Variants in PPP1R12A observed in about 807,000 individuals in gnomAD.
The protein encoded by PPP1R12A is protein phosphatase 1 regulatory subunit 12A, also known as myosin binding subunit.
A neutral mutation model predicts 139.6 loss-of-function variants in PPP1R12A; 19 were observed. The observed-to-expected ratio is 0.14, with a 90% CI of 0.09 to 0.20. The LOEUF is 0.20. Among genes scored for constraint, PPP1R12A ranks in the 10% least tolerant of loss-of-function variants. The pLI, the probability that PPP1R12A is intolerant of heterozygous loss-of-function variation, is 1.00. For synonymous variants in PPP1R12A, 427 were observed against 420.6 expected (o/e 1.02, Z -0.19); for missense variants, 925 against 1,211.5 (o/e 0.76, Z 3.51).
chr12:79,877,435 G>A (rs1262158201), intron 1 of PPP1R12A, among the ~76,000 whole-genome samples: 4 of 152,174 alleles, frequency 2.6e-5, no homozygotes, highest in Non-Finnish European at 5.9e-5. Flanking sequence ...GTATTAGAAA[G>A]TAGTTTATAG....
At chr12:79,910,373 G>C (rs949882716) in intron 1 of PPP1R12A, among the ~76,000 whole-genome samples, 3 of 151,936 alleles carry the variant, frequency 2.0e-5, no homozygotes, top group Non-Finnish European at 4.4e-5. Flanking sequence ...CCAGCTACTC[G>C]GGAGGCTGAG....
chr12:79,787,163 A>C (rs1871227762), intron 21 of PPP1R12A: 1 of 152,160 alleles, frequency 6.6e-6, no homozygotes, highest in South Asian at 2.1e-4. Context: ...TTCAAAATGA[A>C]AATCTCATAA....
chr12:79,925,516 GCT>G (rs1565820163), intron 1 of PPP1R12A, among the ~76,000 whole-genome samples: 1 of 152,174 alleles, frequency 6.6e-6, no homozygotes, highest in Admixed American at 6.5e-5. Flanking sequence ...ATTAAGTGAA[GCT>G]CTCTCTGCAG....
chr12:79,905,929 C>T (rs897263573), intron 1 of PPP1R12A, among the ~76,000 whole-genome samples: 4 of 151,946 alleles, frequency 2.6e-5, no homozygotes, highest in African/African-American at 9.7e-5. Flanking sequence ...CAAACTGGTG[C>T]GAAACTTTGA....
chr12:79,913,508 C>G (rs1486931204), intron 1 of PPP1R12A, among the ~76,000 whole-genome samples: 1 of 152,148 alleles, frequency 6.6e-6, no homozygotes, highest in African/African-American at 2.4e-5. Context: ...GGATCTTTTT[C>G]CACACTCTAT....
At chr12:79,832,289 A>T in intron 4 of PPP1R12A, 43 bp downstream of exon 4, 1 of 1,528,276 alleles carries the variant, frequency 6.5e-7, no homozygotes. Context: ...TGAATAAAGA[A>T]GACAAACTAA....
chr12:79,917,483 C>CAA (rs59586178), intron 1 of PPP1R12A, among the ~76,000 whole-genome samples: 62 of 78,806 alleles, frequency 7.9e-4, no homozygotes, highest in African/African-American at 1.9e-3. Context: ...GACTCTGTCT[C>CAA]AAAAAAAAAA....
At chr12:79,810,349 T>C (rs2137071775) in intron 9 of PPP1R12A, among the ~76,000 whole-genome samples, 1 of 152,302 alleles carries the variant, frequency 6.6e-6, no homozygotes, top group Middle Eastern at 3.4e-3. Context: ...ATTAAACTTG[T>C]TATGTTGTAA....
chr12:79,876,828 G>A (rs1045175631), intron 1 of PPP1R12A, among the ~76,000 whole-genome samples: 1 of 152,064 alleles, frequency 6.6e-6, no homozygotes, highest in African/African-American at 2.4e-5. Flanking sequence ...TGGGAAACAT[G>A]GTGAAACCCT....
At chr12:79,788,986 G>C (rs1298403254) in intron 20 of PPP1R12A, among the ~76,000 whole-genome samples, 1 of 152,012 alleles carries the variant, frequency 6.6e-6, no homozygotes, top group East Asian at 1.9e-4. Context: ...GCCCAGCTTG[G>C]AGTGCAGTGG....
chr12:79,918,074 A>G (rs1390247770), intron 1 of PPP1R12A, among the ~76,000 whole-genome samples: 3 of 152,200 alleles, frequency 2.0e-5, no homozygotes, highest in Non-Finnish European at 4.4e-5. Flanking sequence ...GGCTTTACTT[A>G]GAAATTCTTT....
intron 3 of PPP1R12A, among the ~76,000 whole-genome samples, chr12:79,839,019 A>G (rs1195790792): frequency 6.6e-6 from 1 of 152,238 alleles, no homozygotes; most frequent in Non-Finnish European, 1.5e-5. Flanking sequence ...ACACTGGCCC[A>G]TGAAAGAAGC....
Position 79,773,694 on chromosome 12 carries a change from C to A in PPP1R12A, c.*2235G>T, listed in dbSNP as rs374484060. 46 of 152,200 alleles carry A rather than the reference C, an allele frequency of 3.0e-4. No homozygotes were observed. The South Asian group carries it at 9.3e-3, about 31-fold the overall frequency. The allele number at this position is 152,200 out of a possible 1,614,324, so 9.4% of individuals were successfully genotyped here. On this transcript the variant is annotated 3_prime_UTR_variant, in exon 25 of 25. Coordinates refer to ENST00000450142, the MANE Select transcript of PPP1R12A (RefSeq NM_002480.3). Reference sequence around the variant, plus strand: ...ATGTACAATGCTGTGCAAATTATCACAATATTACAATTTCAGAAATTATTC... The same window carrying A: ...ATGTACAATGCTGTGCAAATTATCAAAATATTACAATTTCAGAAATTATTC...
At chr12:79,876,992 C>CA (rs2137357042) in intron 1 of PPP1R12A, among the ~76,000 whole-genome samples, 1 of 150,648 alleles carries the variant, frequency 6.6e-6, no homozygotes, top group African/African-American at 2.5e-5. Context: ...GCCTGGGCAA[C>CA]AGAGCAAGAC....
chr12:79,798,593 G>T lies in PPP1R12A; in HGVS notation c.2001-9C>A. 6.7e-7 allele frequency: 1 copy of T among 1,498,314 alleles called. No individual in the cohort carries two copies. The highest frequency in any genetic ancestry group is 9.1e-7 in the Non-Finnish European group (1 of 1,104,680). The allele number at this position is 1,498,314 out of a possible 1,614,324, so 92.8% of individuals were successfully genotyped here. ...CAGGAGTGAGGTATGATCTACAGTAGTAAATTGAAAAATCGTTAGTTGTAA... is the reference window on the plus strand; with the variant it reads ...CAGGAGTGAGGTATGATCTACAGTATTAAATTGAAAAATCGTTAGTTGTAA... On this transcript the variant is annotated splice_polypyrimidine_tract_variant and intron_variant, in intron 14 of 24. Coordinates refer to ENST00000450142, the MANE Select transcript of PPP1R12A (RefSeq NM_002480.3).
intron 9 of PPP1R12A, among the ~76,000 whole-genome samples, chr12:79,815,073 C>A (rs6539475): frequency 0.78 from 118,255 of 151,974 alleles, 48,748 homozygotes; most frequent in Non-Finnish European, 0.92. Flanking sequence ...ACTATACTAA[C>A]AGAGGTTATA....
intron 1 of PPP1R12A, among the ~76,000 whole-genome samples, chr12:79,906,116 A>T (rs1886088482): frequency 6.6e-6 from 1 of 152,338 alleles, no homozygotes; most frequent in South Asian, 2.1e-4. Context: ...ATAAATATTT[A>T]CTATTTGAAT....
At chr12:79,796,633 C>T in intron 17 of PPP1R12A, 149 bp downstream of exon 17, 1 of 582,566 alleles carries the variant, frequency 1.7e-6, no homozygotes, top group Non-Finnish European at 2.8e-6. Context: ...CTACTTTTCT[C>T]ATTCTCAACC....
At chr12:79,885,692 T>A (rs1884038821) in intron 1 of PPP1R12A, among the ~76,000 whole-genome samples, 2 of 152,212 alleles carry the variant, frequency 1.3e-5, no homozygotes, top group Non-Finnish European at 2.9e-5. Flanking sequence ...AATGTAATTA[T>A]AACAATTTAG....
Sources: gnomAD v4.1 joint callset for allele counts (sites outside exome capture counted in the v4.1 genomes callset) on GRCh38, gnomAD v4.1.1 for gene constraint, MANE v1.5 for transcripts, NCBI Gene and HGNC (gene_info 2026-07-23, HGNC 2026-07-21) for gene names.